The following PIP5K1B variants were observed in gnomAD, a reference collection of about 807,000 sequenced individuals.
PIP5K1B encodes the protein phosphatidylinositol-4-phosphate 5-kinase type 1 beta, also known as phosphatidylinositol 4-phosphate 5-kinase type-1 beta.
Under a neutral mutation model 67.0 loss-of-function variants are expected in PIP5K1B, and 42 were observed. That is an observed-to-expected ratio of 0.63 (90% CI 0.49 to 0.81). The LOEUF is 0.81. PIP5K1B is among the 30% of genes least tolerant of loss of function. The pLI is 0.00. For missense variants in PIP5K1B, 459 were observed against 646.3 expected (o/e 0.71, Z 3.14); for synonymous variants, 214 against 231.4 (o/e 0.92, Z 0.68).
At chr9:68,840,792 TCAAC>T (rs1165225757) in intron 4 of PIP5K1B, among the ~76,000 whole-genome samples, 4 of 152,264 alleles carry the variant, frequency 2.6e-5, no homozygotes, top group Non-Finnish European at 5.9e-5. Context: ...CAGCTGTTCA[TCAAC>T]CTTGATCGTA....
intron 4 of PIP5K1B, among the ~76,000 whole-genome samples, chr9:68,834,186 C>G (rs931292587): frequency 2.6e-5 from 4 of 152,222 alleles, no homozygotes; most frequent in African/African-American, 9.6e-5. Context: ...TCCTTCACAG[C>G]CATCCCCATT....
At chr9:68,837,607 G>GTTT (rs57120656) in intron 4 of PIP5K1B, among the ~76,000 whole-genome samples, 2,851 of 111,658 alleles carry the variant, frequency 0.026, 111 homozygotes, top group East Asian at 0.13. Flanking sequence ...CTTACTTTGT[G>GTTT]TTTTTTTTTT....
At chr9:68,718,760 A>T (rs960079206) in intron 1 of PIP5K1B, among the ~76,000 whole-genome samples, 2 of 152,222 alleles carry the variant, frequency 1.3e-5, no homozygotes, top group African/African-American at 4.8e-5. Context: ...TCATTCAGGA[A>T]TGCAAGGCTC....
intron 4 of PIP5K1B, among the ~76,000 whole-genome samples, chr9:68,860,513 C>A (rs1384614444): frequency 6.6e-6 from 1 of 152,090 alleles, no homozygotes; most frequent in Non-Finnish European, 1.5e-5. Context: ...AAATTTTTAC[C>A]CTTTTTTCAC....
intron 2 of PIP5K1B, among the ~76,000 whole-genome samples, chr9:68,776,786 C>T (rs939295797): frequency 8.6e-5 from 13 of 152,016 alleles, no homozygotes; most frequent in Non-Finnish European, 1.6e-4. Flanking sequence ...GGAGTGAAAC[C>T]GGAAGGGGGA....
chr9:68,917,012 C>T (rs1466507173), intron 8 of PIP5K1B, among the ~76,000 whole-genome samples: 1 of 152,144 alleles, frequency 6.6e-6, no homozygotes, highest in African/African-American at 2.4e-5. Context: ...GAGGAAGATA[C>T]AAGCGTACAA....
intron 4 of PIP5K1B, among the ~76,000 whole-genome samples, chr9:68,862,542 A>G (rs1448094081): frequency 1.3e-5 from 2 of 152,126 alleles, no homozygotes; most frequent in African/African-American, 4.8e-5. Context: ...ACCTGTAATC[A>G]CAGCACTTTG....
intron 2 of PIP5K1B, among the ~76,000 whole-genome samples, chr9:68,776,439 C>T (rs1009372846): frequency 2.0e-5 from 3 of 151,972 alleles, no homozygotes; most frequent in African/African-American, 7.2e-5. Context: ...GGGACTCTGT[C>T]CCAATTCTAG....
At chr9:68,905,545 G>T (rs987806310) in intron 8 of PIP5K1B, among the ~76,000 whole-genome samples, 1 of 152,082 alleles carries the variant, frequency 6.6e-6, no homozygotes, top group African/African-American at 2.4e-5. Context: ...GAGATTTAAG[G>T]CATATTTGAG....
intron 4 of PIP5K1B, among the ~76,000 whole-genome samples, chr9:68,836,939 C>T (rs1834644009): frequency 2.0e-5 from 3 of 152,340 alleles, no homozygotes; most frequent in African/African-American, 7.2e-5. Context: ...CCTTTCCCCT[C>T]AGGCTTCCAT....
intron 2 of PIP5K1B, among the ~76,000 whole-genome samples, chr9:68,817,984 A>G (rs1055653609): frequency 2.0e-5 from 3 of 152,192 alleles, no homozygotes; most frequent in Non-Finnish European, 2.9e-5. Flanking sequence ...GTGTCATCTA[A>G]TCAACCCTTA....
At chr9:68,881,560 G>A (rs763545164) in intron 6 of PIP5K1B, among the ~76,000 whole-genome samples, 2 of 152,202 alleles carry the variant, frequency 1.3e-5, no homozygotes, top group Non-Finnish European at 2.9e-5. Context: ...CGATATGTGT[G>A]TATTTCTACT....
chr9:68,941,772 A>G (rs1233343009), intron 14 of PIP5K1B, among the ~76,000 whole-genome samples: 2 of 152,158 alleles, frequency 1.3e-5, no homozygotes, highest in African/African-American at 4.8e-5. Flanking sequence ...TCAATAAGGT[A>G]GATTTATTTT....
At position 68,754,175 on chromosome 9, in the gene PIP5K1B, C is replaced by CTTT. The variant is rs71353081; in HGVS notation, c.-86+11528_-86+11530dup. Among the ~76,000 whole-genome samples, 31 of 101,072 alleles carry CTTT rather than the reference C, an allele frequency of 3.1e-4. 3 individuals carry two copies. In the South Asian group the frequency reaches 5.9e-3, roughly 19 times the overall value. The allele number at this position is 101,072 out of a possible 152,430, so 66.3% of individuals were successfully genotyped here. ...AGTCTTCTTTTATGTTCCATGATTT[C>CTTT]TTTTTTTTTTTTGAGACAGAGTCTC... On this transcript the variant is annotated intron_variant, in intron 2 of 15. Transcript: ENST00000265382.
intron 4 of PIP5K1B, among the ~76,000 whole-genome samples, chr9:68,837,010 T>C (rs1834649774): frequency 1.3e-5 from 2 of 152,334 alleles, no homozygotes; most frequent in South Asian, 4.1e-4. Flanking sequence ...GTTACAGACA[T>C]CCATGCCCTT....
chr9:68,756,664 C>T (rs562921563), intron 2 of PIP5K1B, among the ~76,000 whole-genome samples: 1 of 152,202 alleles, frequency 6.6e-6, no homozygotes, highest in South Asian at 2.1e-4. Flanking sequence ...CTTCTTTGCA[C>T]CAAACAAATA....
At chr9:68,863,805 G>A in intron 4 of PIP5K1B, 32 bp from the exon 5 acceptor site, 1 of 1,607,580 alleles carries the variant, frequency 6.2e-7, no homozygotes, top group Non-Finnish European at 8.5e-7. Context: ...TGACTGTTAA[G>A]ACTAATGTTG....
chr9:68,724,876 C>T (rs1828078339), intron 1 of PIP5K1B, among the ~76,000 whole-genome samples: 2 of 152,028 alleles, frequency 1.3e-5, no homozygotes, highest in Non-Finnish European at 2.9e-5. Context: ...TTTTTATTCT[C>T]CTCTAGAAGA....
chr9:68,823,715 A>C (rs568000380), intron 4 of PIP5K1B, among the ~76,000 whole-genome samples: 1 of 152,278 alleles, frequency 6.6e-6, no homozygotes, highest in South Asian at 2.1e-4. Flanking sequence ...TGCCCTCTTA[A>C]GAGTAGGAGG....
Sources: gnomAD v4.1 joint callset for allele counts (sites outside exome capture counted in the v4.1 genomes callset) on GRCh38, gnomAD v4.1.1 for gene constraint, MANE v1.5 for transcripts, NCBI Gene and HGNC (gene_info 2026-07-23, HGNC 2026-07-21) for gene names.